USP34: variants seen among roughly 807,000 people sequenced by gnomAD.
USP34 encodes the protein ubiquitin carboxyl-terminal hydrolase 34.
USP34 carries 70 observed loss-of-function variants against 460.3 expected under a neutral mutation model. The observed-to-expected ratio is 0.15, with a 90% CI of 0.13 to 0.19. The LOEUF (loss-of-function observed/expected upper bound fraction) is 0.19, where lower values mean the gene tolerates loss of function less well. USP34 is among the 10% of genes least tolerant of loss of function. The probability of loss-of-function intolerance (pLI) is 1.00; values close to 1 mark genes in which losing one functional copy is unlikely to be tolerated. For missense variants in USP34, 3,985 were observed against 4,236.2 expected, an observed-to-expected ratio of 0.94 and a Z score of 1.65; for synonymous variants, 1,647 against 1,405.3, an observed-to-expected ratio of 1.17 and a Z score of -3.85.
intron 21 of USP34, among the ~76,000 whole-genome samples, chr2:61,323,615 A>C (rs1040749957): frequency 2.0e-5 from 3 of 152,014 alleles, no homozygotes; most frequent in Non-Finnish European, 2.9e-5. Flanking sequence ...GGGCAGGTGA[A>C]GTGGTGGGGA....
At chr2:61,278,484 TTA>T (rs1411956791) in intron 39 of USP34, 41 bp from the exon 40 acceptor site, 38 of 1,413,368 alleles carry the variant, frequency 2.7e-5, no homozygotes, top group Non-Finnish European at 3.2e-5. Context: ...TATAAATTTT[TTA>T]TGTTTTACCA....
chr2:61,291,592 G>A (rs1689854028), intron 33 of USP34, among the ~76,000 whole-genome samples: 1 of 152,130 alleles, frequency 6.6e-6, no homozygotes, highest in Non-Finnish European at 1.5e-5. Flanking sequence ...GTTTGTGTGT[G>A]CATATATATG....
In USP34 at chr2:61,303,073, G is replaced by GT. The variant is rs767004943; in HGVS notation, c.3818-1620dup. ...TTACAAAGACCTCATATTATTGTAA[G>GT]TTTTTTTTTTTGAGACGGAGTGTCA... On this transcript the variant is annotated intron_variant, in intron 27 of 79. Coordinates refer to ENST00000398571, the MANE Select transcript of USP34 (RefSeq NM_014709.4). Among the ~76,000 whole-genome samples, 459 of 147,516 alleles carry GT rather than the reference G, an allele frequency of 3.1e-3. 1 individual carries two copies. The highest frequency in any genetic ancestry group is 6.3e-3 in the East Asian group (32 of 5,078).
chr2:61,268,998 C>A lies in USP34; in HGVS notation c.5434-2831G>T, dbSNP rs1409642166. ...GAAATTTAAGACAATATCATGTACA[C>A]AGGAAATATTTTATTAACTTACATA... On this transcript the variant is annotated intron_variant, in intron 41 of 79. Coordinates refer to ENST00000398571, the MANE Select transcript of USP34 (RefSeq NM_014709.4). Among the ~76,000 whole-genome samples the A allele has an allele frequency of 1.3e-4, 16 of 124,670 alleles. No individual in the cohort carries two copies. The Admixed American group carries it at 1.4e-3, about 11-fold the overall frequency. The allele number at this position is 124,670 out of a possible 152,430, so 81.8% of individuals were successfully genotyped here.
At chr2:61,219,086 C>A (rs892969141) in intron 67 of USP34, among the ~76,000 whole-genome samples, 2 of 152,176 alleles carry the variant, frequency 1.3e-5, no homozygotes, top group African/African-American at 4.8e-5. Context: ...TTTATTCAAT[C>A]ATTTATTTCT....
intron 1 of USP34, among the ~76,000 whole-genome samples, chr2:61,458,062 C>T (rs1199758369): frequency 6.6e-6 from 1 of 152,120 alleles, no homozygotes; most frequent in African/African-American, 2.4e-5. Context: ...CTACCACATG[C>T]AGGCACTGTA....
At position 61,289,597 on chromosome 2, in the gene USP34, A is replaced by C. The variant is rs547013118; in HGVS notation, c.4549-720T>G. Among the ~76,000 whole-genome samples the C allele has an allele frequency of 8.2e-4, 125 of 152,230 alleles. 1 individual carries two copies. Among genetic ancestry groups the C allele is most frequent in the African/African-American group, 2.9e-3 (121 of 41,572 alleles). On this transcript the variant is annotated intron_variant, in intron 33 of 79. Coordinates refer to ENST00000398571, the MANE Select transcript of USP34 (RefSeq NM_014709.4). ...TGATTCCACTGCCAAATATATTCCT[A>C]CACAAACATACCAGAAAGAAATGGT...
chr2:61,190,450 CA>C, intron 77 of USP34, 36 bp from the exon 78 acceptor site: 1 of 1,599,806 alleles, frequency 6.3e-7, no homozygotes, highest in Non-Finnish European at 8.5e-7. Context: ...TCCAAAAGAC[CA>C]GCATAATGAA....
intron 79 of USP34, 78 bp downstream of exon 79, chr2:61,188,832 A>G: frequency 1.3e-6 from 2 of 1,579,566 alleles, no homozygotes; most frequent in South Asian, 2.4e-5. Flanking sequence ...TGAACACACA[A>G]CTCTTAAACC....
chr2:61,386,865 G>C (rs776769689), intron 5 of USP34, among the ~76,000 whole-genome samples: 1 of 152,130 alleles, frequency 6.6e-6, no homozygotes, highest in African/African-American at 2.4e-5. Context: ...AACCAAAAAT[G>C]AAAACCTTAA....
chr2:61,395,044 A>T, intron 4 of USP34, 42 bp from the exon 5 acceptor site: 10 of 1,547,396 alleles, frequency 6.5e-6, no homozygotes, highest in Non-Finnish European at 8.7e-6. Flanking sequence ...GAAAACGTAC[A>T]AATAATTTTT....
chr2:61,234,291 C>T (rs1688000357), intron 57 of USP34, among the ~76,000 whole-genome samples: 1 of 152,204 alleles, frequency 6.6e-6, no homozygotes, highest in Admixed American at 6.5e-5. Context: ...CTGCTATTCC[C>T]CACTTCTGTT....
At chr2:61,429,707 T>C (rs1208011412) in intron 1 of USP34, among the ~76,000 whole-genome samples, 1 of 152,102 alleles carries the variant, frequency 6.6e-6, no homozygotes, top group Non-Finnish European at 1.5e-5. Flanking sequence ...ACAAGCAACA[T>C]GGATGACTTC....
Position 61,265,418 on chromosome 2 carries a change from T to C in USP34, c.5757A>G (p.Arg1919=). 6.2e-7 allele frequency: 1 copy of C among 1,611,878 alleles called. No individual in the cohort carries two copies. The highest frequency in any genetic ancestry group is 8.5e-7 in the Non-Finnish European group (1 of 1,179,494). The change falls in exon 43 of 80, where the codon AGA becomes AGG. Residue 1919 remains arginine, a synonymous_variant. Coordinates refer to ENST00000398571, the MANE Select transcript of USP34 (RefSeq NM_014709.4). The part of the protein sequence containing the change: ...IQQLYMIPEA[R]QAVFTAKYSE... ...CTACCTTGGCAGTGAAGACAGCCTG[T>C]CTTGCCTCAGGTATCATATAAAGTT...
Position 61,259,744 on chromosome 2 carries a change from A to C in USP34, c.5811T>G (p.Leu1937=), listed in dbSNP as rs187669459. Residue 1937 remains leucine (L), a synonymous_variant, in exon 44 of 80, where the codon CTT becomes CTG. Coordinates refer to ENST00000398571, the MANE Select transcript of USP34 (RefSeq NM_014709.4). ...ATGTAAACATTTTCTGAAGCTCCAG[A>C]AGAGTGGTCTTGTGCTTCATATCCT... The part of the protein sequence containing the change: ...YSEDMKHKTT[L]LELQKMFTYL... 590 of 1,613,492 alleles carry C rather than the reference A, an allele frequency of 3.7e-4. 2 individuals carry two copies. The African/African-American group carries it at 7.1e-3, about 20-fold the overall frequency.
intron 41 of USP34, 114 bp downstream of exon 41, chr2:61,278,051 T>C (rs911803653): frequency 3.1e-6 from 4 of 1,272,570 alleles, no homozygotes; most frequent in Non-Finnish European, 4.3e-6. Context: ...TTTTGTAAAC[T>C]GCCCAGTCTC....
chr2:61,398,255 T>G (rs1693598109), intron 3 of USP34, among the ~76,000 whole-genome samples: 1 of 151,962 alleles, frequency 6.6e-6, no homozygotes, highest in Non-Finnish European at 1.5e-5. Context: ...TTGTCCCAGA[T>G]ACTCAGGAGG....
intron 35 of USP34, 70 bp downstream of exon 35, chr2:61,284,805 C>G: frequency 7.9e-7 from 1 of 1,273,682 alleles, no homozygotes. Flanking sequence ...TAGAATTTTT[C>G]AAAATAAAGT....
At chr2:61,385,246 C>A (rs908750800) in intron 5 of USP34, among the ~76,000 whole-genome samples, 1 of 152,082 alleles carries the variant, frequency 6.6e-6, no homozygotes, top group African/African-American at 2.4e-5. Context: ...AATAAGGAGA[C>A]ATTTGCCATA....
Sources: allele counts gnomAD v4.1 joint callset (sites outside exome capture counted in the v4.1 genomes callset), GRCh38; gene constraint gnomAD v4.1.1; transcripts MANE v1.5; gene names NCBI Gene and HGNC (gene_info 2026-07-23, HGNC 2026-07-21).